Variants in GALNT13 observed in about 807,000 individuals in gnomAD.
GALNT13 encodes UDP-GalNAc:polypeptide N-acetylgalactosaminyltransferase 13.
In GALNT13, 28 loss-of-function variants were observed where a neutral mutation model predicts 64.2. The observed-to-expected ratio is 0.44, with a 90% CI of 0.32 to 0.60. GALNT13 has a LOEUF of 0.60. Among genes scored for constraint, GALNT13 ranks in the 20% least tolerant of loss-of-function variants. GALNT13 has a pLI of 0.05. For synonymous variants in GALNT13, 214 were observed against 224.6 expected, an observed-to-expected ratio of 0.95 and a Z score of 0.42; for missense variants, 577 against 669.8, an observed-to-expected ratio of 0.86 and a Z score of 1.53.
upstream of GALNT13, among the ~76,000 whole-genome samples, chr2:153,868,797 C>T (rs2105203907): frequency 6.6e-6 from 1 of 152,296 alleles, no homozygotes; most frequent in South Asian, 2.1e-4. Flanking sequence ...AAGAATTGTA[C>T]AGTATTGGTC....
the GALNT13 span, among the ~76,000 whole-genome samples, chr2:153,137,692 T>C: frequency 6.6e-6 from 1 of 151,680 alleles, no homozygotes. Context: ...ATAATACATG[T>C]TATGTACTGA....
At chr2:153,674,531 A>G in the GALNT13 span, among the ~76,000 whole-genome samples, 1 of 152,198 alleles carries the variant, frequency 6.6e-6, no homozygotes, top group Admixed American at 6.5e-5. Context: ...CCTTCCTTAC[A>G]CCTTATAAAA....
the GALNT13 span, among the ~76,000 whole-genome samples, chr2:153,338,795 C>G: frequency 6.6e-6 from 1 of 152,160 alleles, no homozygotes; most frequent in Admixed American, 6.5e-5. Flanking sequence ...TCGCCCTTGG[C>G]CTCTGGTAAT....
the GALNT13 span, among the ~76,000 whole-genome samples, chr2:153,615,043 G>A: frequency 2.0e-5 from 3 of 151,914 alleles, no homozygotes; most frequent in South Asian, 2.1e-4. Context: ...CAATCCCAGC[G>A]TCTGGTAACT....
the GALNT13 span, among the ~76,000 whole-genome samples, chr2:153,690,879 G>A: frequency 1.3e-5 from 2 of 152,068 alleles, no homozygotes; most frequent in East Asian, 1.9e-4. Context: ...ACACCTGAAC[G>A]GTAGAATAAT....
At chr2:153,117,869 A>G in the GALNT13 span, among the ~76,000 whole-genome samples, 1 of 151,926 alleles carries the variant, frequency 6.6e-6, no homozygotes, top group African/African-American at 2.4e-5. Context: ...GCTGGAAATC[A>G]TTTTCTTTCT....
chr2:153,119,661 A>T, the GALNT13 span, among the ~76,000 whole-genome samples: 1 of 152,238 alleles, frequency 6.6e-6, no homozygotes. Context: ...AAACTGTGAC[A>T]AGCCATGTTG....
chr2:153,461,020 A>G, the GALNT13 span, among the ~76,000 whole-genome samples: 1 of 152,138 alleles, frequency 6.6e-6, no homozygotes, highest in Non-Finnish European at 1.5e-5. Flanking sequence ...TGTGGCGTAT[A>G]CACTTTTCTG....
the GALNT13 span, among the ~76,000 whole-genome samples, chr2:153,757,067 A>G: frequency 0.092 from 13,989 of 152,210 alleles, 1,347 homozygotes; most frequent in African/African-American, 0.22. Context: ...TAATATTTGT[A>G]TACAATATGG....
chr2:154,147,378 A>ATT (rs1311469485), intron 4 of GALNT13, among the ~76,000 whole-genome samples: 4 of 132,774 alleles, frequency 3.0e-5, no homozygotes, highest in South Asian at 4.9e-4. Context: ...TTTGAATGGA[A>ATT]TTTTATATAT....
intron 4 of GALNT13, among the ~76,000 whole-genome samples, chr2:154,228,025 A>C (rs1294354319): frequency 1.3e-5 from 2 of 152,082 alleles, no homozygotes; most frequent in Non-Finnish European, 2.9e-5. Flanking sequence ...CCTACGTGTG[A>C]TGTTAACATT....
chr2:153,974,560 T>C (rs1482362151), intron 3 of GALNT13, among the ~76,000 whole-genome samples: 3 of 152,004 alleles, frequency 2.0e-5, no homozygotes, highest in African/African-American at 4.8e-5. Context: ...GCTTGCATGC[T>C]AGTGGAGGAG....
intron 4 of GALNT13, among the ~76,000 whole-genome samples, chr2:154,163,326 A>G (rs1004885716): frequency 3.3e-5 from 5 of 152,054 alleles, no homozygotes; most frequent in African/African-American, 1.2e-4. Context: ...TGCAAAGATC[A>G]ACAAAATTGA....
chr2:154,336,172 CTTTG>C (rs1299433593), intron 9 of GALNT13, among the ~76,000 whole-genome samples: 2 of 151,980 alleles, frequency 1.3e-5, no homozygotes, highest in African/African-American at 4.8e-5. Flanking sequence ...AAGCTCCTTG[CTTTG>C]TTTGGGATTA....
chr2:154,034,988 TG>T (rs1698572536), intron 3 of GALNT13, among the ~76,000 whole-genome samples: 1 of 152,070 alleles, frequency 6.6e-6, no homozygotes, highest in Non-Finnish European at 1.5e-5. Context: ...ACAATGTCTA[TG>T]GAAAAAAATA....
At chr2:154,433,988 T>C (rs539563727) in intron 11 of GALNT13, among the ~76,000 whole-genome samples, 1 of 152,284 alleles carries the variant, frequency 6.6e-6, no homozygotes, top group Admixed American at 6.5e-5. Flanking sequence ...ACTGGTGTTT[T>C]TATAAAAAGA....
intron 10 of GALNT13, among the ~76,000 whole-genome samples, chr2:154,400,414 C>T (rs1398760179): frequency 6.6e-6 from 1 of 152,086 alleles, no homozygotes; most frequent in Non-Finnish European, 1.5e-5. Context: ...ATTTTTCAAA[C>T]TCTATTTGAT....
the GALNT13 span, among the ~76,000 whole-genome samples, chr2:153,355,342 C>T: frequency 3.3e-5 from 5 of 152,044 alleles, no homozygotes; most frequent in South Asian, 4.1e-4. Flanking sequence ...TTTCTGACTC[C>T]GATCATATTT....
chr2:154,384,655 C>A (rs1031417516), intron 9 of GALNT13, among the ~76,000 whole-genome samples: 1 of 151,810 alleles, frequency 6.6e-6, no homozygotes, highest in Non-Finnish European at 1.5e-5. Context: ...ATTGATCAAG[C>A]AGCTTTATAT....
Sources: gnomAD v4.1 joint callset for allele counts (sites outside exome capture counted in the v4.1 genomes callset) on GRCh38, gnomAD v4.1.1 for gene constraint, MANE v1.5 for transcripts, NCBI Gene and HGNC (gene_info 2026-07-23, HGNC 2026-07-21) for gene names.